WRAP73: variants seen among roughly 807,000 people sequenced by gnomAD.
WRAP73 encodes WD repeat containing, antisense to TP73.
A neutral mutation model predicts 59.6 loss-of-function variants in WRAP73; 55 were observed. The ratio of observed to expected loss-of-function variants is 0.92; its 90% CI spans 0.74 to 1.15. WRAP73 has a LOEUF of 1.15. WRAP73 is among the 50% of genes most tolerant of loss of function. WRAP73 has a pLI of 0.00. For missense variants in WRAP73, 592 were observed against 608.1 expected (o/e 0.97, Z 0.28); for synonymous variants, 265 against 258.2 (o/e 1.03, Z -0.25).
At chr1:3,643,167 C>A (rs1006771485) in intron 3 of WRAP73, among the ~76,000 whole-genome samples, 20 of 152,328 alleles carry the variant, frequency 1.3e-4, no homozygotes, top group Admixed American at 5.2e-4. Context: ...CCTGTCAACA[C>A]GGAGGAGTCT....
rs1644694157 is a variant in WRAP73 at position 3,646,659 on chromosome 1, CACTT to C, written c.339+3_339+6del. On this transcript the variant is annotated splice_donor_5th_base_variant and intron_variant, in intron 3 of 11. Transcript: ENST00000270708. The surrounding 1 kb of genome is among the most constrained non-coding windows in gnomAD (Gnocchi z 5.1). ...GGCCAGTAAGGTGTCTTGGGGCTGACACTTACATGGAATTCCGTGGTGTTGAGAA... is the reference window on the plus strand; with the variant it reads ...GGCCAGTAAGGTGTCTTGGGGCTGACACATGGAATTCCGTGGTGTTGAGAA... 1.3e-6 allele frequency: 2 copies of C among 1,590,676 alleles called. No individual in the cohort carries two copies. The highest frequency in any genetic ancestry group is 2.7e-5 in the African/African-American group (2 of 74,132).
At chr1:3,632,568 C>T (rs1644547091) in intron 9 of WRAP73, 1 of 607,094 alleles carries the variant, frequency 1.6e-6, no homozygotes, top group South Asian at 1.9e-5. Flanking sequence ...CCAGGCCCGA[C>T]TAGGTGGGGG....
rs1200149005 is a variant in WRAP73, at chr1:3,646,912, G to A, written c.223-130C>T. ...TCTTCAAACTCATCAGCAGTCTATA[G>A]CGAGGCCTCGCCGAGAGACAACTCC... is the stretch of plus-strand genomic sequence containing the variant. On this transcript the variant is annotated intron_variant, in intron 2 of 11. Transcript: ENST00000270708. This position sits in a 1 kb window ranked among gnomAD's most constrained non-coding sequence, Gnocchi z 5.1. 1.4e-6 allele frequency: 1 copy of A among 695,970 alleles called. No homozygotes were observed. The highest frequency in any genetic ancestry group is 2.4e-6 in the Non-Finnish European group (1 of 410,584). 43.1% of individuals were successfully genotyped at this position (695,970 alleles called of 1,614,324 possible). A position where few individuals can be genotyped will look rare whatever the true frequency, so the allele number is the denominator to read the frequency against.
At chr1:3,647,654 CCTT>C in intron 1 of WRAP73, 94 bp from the exon 2 acceptor site, 1 of 1,400,412 alleles carries the variant, frequency 7.1e-7, no homozygotes, top group African/African-American at 1.4e-5. Context: ...GTGACTGTGG[CCTT>C]CTCTCCTGCC....
Position 3,635,024 on chromosome 1 carries a change from A to C in WRAP73, c.789T>G (p.His263Gln). 1 of 1,614,226 alleles carries C rather than the reference A, an allele frequency of 6.2e-7. No individual in the cohort carries two copies. The highest frequency in any genetic ancestry group is 8.5e-7 in the Non-Finnish European group (1 of 1,180,042). The change falls in exon 8 of 12, where the codon CAT becomes CAG. Residue 263 changes from histidine (H) to glutamine (Q), a missense_variant. His to Gln is a conservative substitution (Grantham distance 24, BLOSUM62 0). Coordinates refer to ENST00000270708, the MANE Select transcript of WRAP73 (RefSeq NM_017818.4). ...VTWKMITEFGHPAAINDPKIV... is the reference protein window; with the variant it reads ...VTWKMITEFGQPAAINDPKIV... The stretch of plus-strand genomic sequence containing the variant: ...TCTTGGGATCATTAATGGCTGCAGG[A>C]TGCCCAAACTCCGTGATCATTTTCC...
At chr1:3,640,037 A>G (rs1204467981) in intron 3 of WRAP73, among the ~76,000 whole-genome samples, 2 of 152,236 alleles carry the variant, frequency 1.3e-5, no homozygotes, top group East Asian at 3.9e-4. Flanking sequence ...TTACAACAGA[A>G]AAGAAAATCT....
chr1:3,639,413 A>T lies in WRAP73; in HGVS notation c.340-591T>A, dbSNP rs1417995438. 6.6e-6 allele frequency: 1 copy of T among 152,668 alleles called. No homozygotes were observed. Among genetic ancestry groups the T allele is most frequent in the Non-Finnish European group, 1.5e-5 (1 of 68,412 alleles). 9.5% of individuals were successfully genotyped at this position (152,668 alleles called of 1,614,324 possible). On this transcript the variant is annotated intron_variant, in intron 3 of 11. Coordinates refer to ENST00000270708, the MANE Select transcript of WRAP73 (RefSeq NM_017818.4). The surrounding 1 kb of genome is among the most constrained non-coding windows in gnomAD (Gnocchi z 4.3). ...TTCCACCCCTTTCCCTGACTCAGGGAGCTGAGAGCTGACTAGGCTGGCACA... is the reference window on the plus strand; with the variant it reads ...TTCCACCCCTTTCCCTGACTCAGGGTGCTGAGAGCTGACTAGGCTGGCACA...
intron 3 of WRAP73, among the ~76,000 whole-genome samples, chr1:3,642,767 A>C (rs1644658309): frequency 6.6e-6 from 1 of 150,778 alleles, no homozygotes; most frequent in Admixed American, 6.6e-5. Context: ...TGCTGCTGGG[A>C]AAAGGTAGAA....
At chr1:3,645,889 G>C (rs1229015611) in intron 3 of WRAP73, among the ~76,000 whole-genome samples, 2 of 152,180 alleles carry the variant, frequency 1.3e-5, no homozygotes, top group Non-Finnish European at 2.9e-5. Context: ...CACGCCCCCA[G>C]GCCAGGCTCC....
At position 3,646,782 on chromosome 1, in the gene WRAP73, C is replaced by A; in HGVS notation, c.223G>T (p.Val75Phe). 1 of 1,610,340 alleles carries A rather than the reference C, an allele frequency of 6.2e-7. No individual in the cohort carries two copies. Among genetic ancestry groups the A allele is most frequent in the Non-Finnish European group, 8.5e-7 (1 of 1,178,618 alleles). The change falls in exon 3 of 12, where the codon GTC becomes TTC. Residue 75 changes from valine to phenylalanine, a missense_variant and splice_region_variant. Val to Phe is a conservative substitution (Grantham distance 50). Transcript: ENST00000270708. The surrounding 1 kb of genome is among the most constrained non-coding windows in gnomAD (Gnocchi z 5.1). Reference protein sequence around the residue: ...CAMYKRGLVQVWSLEQPEWHC... With the variant: ...CAMYKRGLVQFWSLEQPEWHC... The stretch of plus-strand genomic sequence containing the variant: ...CATTCGGGCTGCTCTAAAGACCAGA[C>A]CTGGATTGAGAGAAGAAAGAAACAC...
chr1:3,631,725 T>A (rs1313988288), intron 10 of WRAP73, 68 bp from the exon 11 acceptor site: 2 of 1,531,210 alleles, frequency 1.3e-6, no homozygotes, highest in Admixed American at 3.6e-5. Context: ...CCTGCCCCTC[T>A]GCTCTGCTGT....
chr1:3,645,372 T>G (rs1299164645), intron 3 of WRAP73, among the ~76,000 whole-genome samples: 1 of 98,576 alleles, frequency 1.0e-5, no homozygotes, highest in African/African-American at 3.1e-5. Context: ...GGTTGCCCCG[T>G]GGTGTGCGTG....
In WRAP73 at chr1:3,631,471, C is replaced by T. The variant is rs773829754; in HGVS notation, c.1235G>A (p.Gly412Glu). ...PAGCMSVQVP[G>E]EGDFAVLSLC... is the part of the protein sequence containing the mutation. ...GGCCTCGGGGATGTGCTTACCTTCC[C>T]CAGGCACCTGCACCGACATGCAGCC... Residue 412 changes from glycine (G) to glutamate (E), a missense_variant, in exon 11 of 12, where the codon GGG (glycine) becomes GAG (glutamate). Transcript: ENST00000270708. 1.9e-6 allele frequency: 3 copies of T among 1,595,388 alleles called. No homozygotes were observed. In the African/African-American group the frequency reaches 4.0e-5, roughly 21 times the overall value.
In WRAP73 at chr1:3,646,028, A is replaced by G. The variant is rs1157350976; in HGVS notation, c.339+638T>C. 6.6e-6 allele frequency among the ~76,000 whole-genome samples: 1 copy of G among 152,266 alleles called. No individual in the cohort carries two copies. The highest frequency in any genetic ancestry group is 2.4e-5 in the African/African-American group (1 of 41,476). ...TTTTTTCTTCAAAACTGGACAAAAG[A>G]TCAGACAATAATACTTAGTGGCTTA... On this transcript the variant is annotated intron_variant, in intron 3 of 11. Coordinates refer to ENST00000270708, the MANE Select transcript of WRAP73 (RefSeq NM_017818.4). The surrounding 1 kb of genome is among the most constrained non-coding windows in gnomAD (Gnocchi z 5.1).
Position 3,630,907 on chromosome 1 carries a change from A to G in WRAP73, c.*68T>C, listed in dbSNP as rs1644524344. The stretch of plus-strand genomic sequence containing the variant: ...CACCACAGTGGAGAACCTCCTGGTG[A>G]AGCTGTGTTTTTTCCCACACTGGAA... On this transcript the variant is annotated 3_prime_UTR_variant, in exon 12 of 12. Coordinates refer to ENST00000270708, the MANE Select transcript of WRAP73 (RefSeq NM_017818.4). The G allele has an allele frequency of 6.4e-7, 1 of 1,556,390 alleles. No individual in the cohort carries two copies. Among genetic ancestry groups the G allele is most frequent in the Admixed American group, 1.8e-5 (1 of 54,176 alleles).
In WRAP73 at chr1:3,635,010, T is replaced by C. The variant is rs754967025; in HGVS notation, c.803A>G (p.Asn268Ser). The C allele has an allele frequency of 6.8e-6, 11 of 1,614,098 alleles. No individual in the cohort carries two copies. Among genetic ancestry groups the C allele is most frequent in the African/African-American group, 1.3e-5 (1 of 74,950 alleles). The change falls in exon 8 of 12, where the codon AAT becomes AGT. Residue 268 changes from asparagine (N) to serine (S), a missense_variant. Transcript: ENST00000270708. ...ITEFGHPAAI[N>S]DPKIVVYKEA... is the part of the protein sequence containing the mutation. ...TTCCAGACTTACTATCTTGGGATCATTAATGGCTGCAGGATGCCCAAACTC... is the reference window on the plus strand; with the variant it reads ...TTCCAGACTTACTATCTTGGGATCACTAATGGCTGCAGGATGCCCAAACTC...
In WRAP73 at chr1:3,633,420, A is replaced by G; in HGVS notation, c.900T>C (p.Pro300=). 1 of 1,612,734 alleles carries G rather than the reference A, an allele frequency of 6.2e-7. No homozygotes were observed. ...SFPPPRAGAG[P]LPSSESKYEI... ...TACATTTACTCTCTGAGCTCGGGAG[A>G]GGGCCGGCCCCGGCCCGGGGCGGCG... Residue 300 remains proline, a synonymous_variant, in exon 9 of 12, where the codon CCT becomes CCC. Transcript: ENST00000270708.
At chr1:3,636,852 C>T (rs771219233) in intron 5 of WRAP73, 143 bp downstream of exon 5, 28 of 873,994 alleles carry the variant, frequency 3.2e-5, no homozygotes, top group South Asian at 1.7e-4. Context: ...GGAAGTGATT[C>T]GCAGCGCACC....
At chr1:3,642,194 C>G (rs1202636952) in intron 3 of WRAP73, among the ~76,000 whole-genome samples, 1 of 152,124 alleles carries the variant, frequency 6.6e-6, no homozygotes, top group Non-Finnish European at 1.5e-5. Context: ...TCGAGACCAG[C>G]CTGGGAAACA....
Sources: gnomAD v4.1 joint callset for allele counts (sites outside exome capture counted in the v4.1 genomes callset) on GRCh38, gnomAD v4.1.1 for gene constraint, Gnocchi (gnomAD v3.1) non-coding constraint, MANE v1.5 for transcripts, NCBI Gene and HGNC (gene_info 2026-07-23, HGNC 2026-07-21) for gene names.